TCEANC2: variants seen among roughly 807,000 people sequenced by gnomAD.
TCEANC2 encodes transcription elongation factor A N-terminal and central domain-containing protein 2.
In TCEANC2, 20 loss-of-function variants were observed where a neutral mutation model predicts 22.8. That is an observed-to-expected ratio of 0.88 (90% CI 0.62 to 1.28). The LOEUF (loss-of-function observed/expected upper bound fraction) is 1.28, where lower values mean the gene tolerates loss of function less well. Ranked by LOEUF, TCEANC2 falls within the 50% of genes most tolerant of loss-of-function variation. The pLI is 0.00. For synonymous variants in TCEANC2, 84 were observed against 95.5 expected (o/e 0.88, Z 0.70); for missense variants, 251 against 249.7 (o/e 1.01, Z -0.03).
rs1374364672 is a variant in TCEANC2, at chr1:54,105,021, G to A, written c.*8548G>A. The A allele has an allele frequency of 1.2e-5, 2 of 161,172 alleles. No individual in the cohort carries two copies. Among genetic ancestry groups the A allele is most frequent in the Non-Finnish European group, 2.8e-5 (2 of 72,694 alleles). 10.0% of individuals were successfully genotyped at this position (161,172 alleles called of 1,614,324 possible). On this transcript the variant is annotated 3_prime_UTR_variant, in exon 5 of 5. Coordinates refer to ENST00000234827, the MANE Select transcript of TCEANC2 (RefSeq NM_153035.3). ...GGAGGATCTAGAATGGATAGTAGAAGAGGGAGATGATGAGTATCAGTTGTG... is the reference window on the plus strand; with the variant it reads ...GGAGGATCTAGAATGGATAGTAGAAAAGGGAGATGATGAGTATCAGTTGTG...
At chr1:54,083,876 T>C (rs993682250) in intron 3 of TCEANC2, among the ~76,000 whole-genome samples, 2 of 152,234 alleles carry the variant, frequency 1.3e-5, no homozygotes, top group African/African-American at 2.4e-5. Flanking sequence ...ATGTTGTTTA[T>C]ATGTATACAC....
chr1:54,059,427 C>T (rs1657809837), intron 2 of TCEANC2, among the ~76,000 whole-genome samples: 1 of 152,264 alleles, frequency 6.6e-6, no homozygotes, highest in South Asian at 2.1e-4. Context: ...GCTGGGATTA[C>T]AGGCGTAAGC....
intron 2 of TCEANC2, among the ~76,000 whole-genome samples, chr1:54,066,342 T>C (rs1657955534): frequency 6.6e-6 from 1 of 151,984 alleles, no homozygotes; most frequent in Admixed American, 6.6e-5. Context: ...AGAAAATATG[T>C]TCAAATATAT....
chr1:54,094,299 GTCTC>G (rs1300582652), intron 4 of TCEANC2, among the ~76,000 whole-genome samples: 2 of 152,216 alleles, frequency 1.3e-5, no homozygotes, highest in Non-Finnish European at 2.9e-5. Context: ...TGGTCCATCT[GTCTC>G]TCATGTTAGG....
rs1454938444 is a variant in TCEANC2 at position 54,103,480 on chromosome 1, A to T, written c.*7007A>T. 6.6e-6 allele frequency: 1 copy of T among 152,196 alleles called. No homozygotes were observed. The highest frequency in any genetic ancestry group is 1.5e-5 in the Non-Finnish European group (1 of 68,028). The allele number at this position is 152,196 out of a possible 1,614,324, so 9.4% of individuals were successfully genotyped here. A position where few individuals can be genotyped will look rare whatever the true frequency, so the allele number is the denominator to read the frequency against. On this transcript the variant is annotated 3_prime_UTR_variant, in exon 5 of 5. Coordinates refer to ENST00000234827, the MANE Select transcript of TCEANC2 (RefSeq NM_153035.3). ...AGAAGTCACTCACTATCATGACAACAGCATGGGGGAAACCGGCTCCGTGAT... is the reference window on the plus strand; with the variant it reads ...AGAAGTCACTCACTATCATGACAACTGCATGGGGGAAACCGGCTCCGTGAT...
chr1:54,088,561 A>G (rs1245190481), intron 3 of TCEANC2, 36 bp from the exon 4 acceptor site: 2 of 1,557,272 alleles, frequency 1.3e-6, no homozygotes, highest in African/African-American at 2.8e-5. Context: ...AGAAGATGTA[A>G]CAACCTTTCC....
At chr1:54,108,921 G>A (rs1658799557), downstream of TCEANC2, among the ~76,000 whole-genome samples, 1 of 152,024 alleles carries the variant, frequency 6.6e-6, no homozygotes, top group Admixed American at 6.6e-5. Context: ...GCAGTGAGCC[G>A]AGATCGCACC....
intron 2 of TCEANC2, among the ~76,000 whole-genome samples, chr1:54,054,735 C>T (rs1044119202): frequency 6.6e-6 from 1 of 152,172 alleles, no homozygotes; most frequent in Non-Finnish European, 1.5e-5. Context: ...GTAATTACTC[C>T]GGTTTACACC....
At chr1:54,071,012 T>C (rs1350132897) in intron 3 of TCEANC2, among the ~76,000 whole-genome samples, 1 of 152,042 alleles carries the variant, frequency 6.6e-6, no homozygotes, top group Non-Finnish European at 1.5e-5. Flanking sequence ...GCACATCACG[T>C]GAGCTGTATA....
intron 3 of TCEANC2, among the ~76,000 whole-genome samples, chr1:54,072,851 T>C (rs1022170013): frequency 1.3e-5 from 2 of 152,236 alleles, no homozygotes; most frequent in Non-Finnish European, 2.9e-5. Context: ...CTAATATTTA[T>C]GGTTCTTGGG....
intron 3 of TCEANC2, among the ~76,000 whole-genome samples, chr1:54,081,849 G>A (rs540340273): frequency 2.0e-4 from 30 of 152,290 alleles, no homozygotes; most frequent in African/African-American, 7.0e-4. Flanking sequence ...GCCCCCTGCA[G>A]GCCAAAAGCA....
intron 2 of TCEANC2, among the ~76,000 whole-genome samples, chr1:54,066,300 A>G (rs1309364233): frequency 6.6e-6 from 1 of 152,122 alleles, no homozygotes; most frequent in Non-Finnish European, 1.5e-5. Context: ...GAAAACTGTT[A>G]AAAAGAAGAT....
intron 3 of TCEANC2, 28 bp from the exon 4 acceptor site, chr1:54,088,569 T>G (rs1422609025): frequency 6.4e-7 from 1 of 1,572,548 alleles, no homozygotes; most frequent in South Asian, 1.2e-5. Context: ...TAACAACCTT[T>G]CCTTTGGTTT....
chr1:54,079,887 C>T (rs1658205919), intron 3 of TCEANC2, among the ~76,000 whole-genome samples: 1 of 152,186 alleles, frequency 6.6e-6, no homozygotes, highest in Non-Finnish European at 1.5e-5. Context: ...GTTCACTCTA[C>T]TTCTTGTGTT....
At chr1:54,060,953 A>C (rs563219086) in intron 2 of TCEANC2, among the ~76,000 whole-genome samples, 1 of 148,368 alleles carries the variant, frequency 6.7e-6, no homozygotes, top group African/African-American at 2.5e-5. Context: ...GTCTCAAACA[A>C]AAAAAAAAAG....
At chr1:54,064,524 ATGAT>A (rs1256565245) in intron 2 of TCEANC2, among the ~76,000 whole-genome samples, 1 of 152,196 alleles carries the variant, frequency 6.6e-6, no homozygotes, top group East Asian at 1.9e-4. Context: ...TGCAACCAGT[ATGAT>A]TGGTTGTGGA....
intron 2 of TCEANC2, among the ~76,000 whole-genome samples, chr1:54,060,272 G>A (rs181336650): frequency 4.7e-4 from 71 of 152,228 alleles, no homozygotes; most frequent in Middle Eastern, 3.4e-3. Context: ...GGGCGTGGTC[G>A]CGCGCGCCTG....
In TCEANC2 at chr1:54,097,043, G is replaced by A; in HGVS notation, c.*570G>A. 1.0e-6 allele frequency: 1 copy of A among 964,832 alleles called. No individual in the cohort carries two copies. Among genetic ancestry groups the A allele is most frequent in the Non-Finnish European group, 1.2e-6 (1 of 810,854 alleles). 59.8% of individuals were successfully genotyped at this position (964,832 alleles called of 1,614,324 possible). ...CAGCTCTCCCTGGAAGACCTTCTGC[G>A]TTGGTCTCCAGAGCCCCCATGCTGA... On this transcript the variant is annotated 3_prime_UTR_variant, in exon 5 of 5. Transcript: ENST00000234827.
Position 54,100,642 on chromosome 1 carries a change from G to C in TCEANC2, c.*4169G>C, listed in dbSNP as rs1276689885. The C allele has an allele frequency of 6.6e-6, 1 of 152,202 alleles. No individual in the cohort carries two copies. The highest frequency in any genetic ancestry group is 1.5e-5 in the Non-Finnish European group (1 of 68,044). The allele number at this position is 152,202 out of a possible 1,614,324, so 9.4% of individuals were successfully genotyped here. On this transcript the variant is annotated 3_prime_UTR_variant, in exon 5 of 5. Coordinates refer to ENST00000234827, the MANE Select transcript of TCEANC2 (RefSeq NM_153035.3). ...CTATGTGAAAGCACAGAAGCGTGAGGTGTATGGCTAGTTTCAGTAAAGGCA... is the reference window on the plus strand; with the variant it reads ...CTATGTGAAAGCACAGAAGCGTGAGCTGTATGGCTAGTTTCAGTAAAGGCA...
Sources: allele counts gnomAD v4.1 joint callset (sites outside exome capture counted in the v4.1 genomes callset), GRCh38; gene constraint gnomAD v4.1.1; transcripts MANE v1.5; gene names NCBI Gene and HGNC (gene_info 2026-07-23, HGNC 2026-07-21).